Variants in DSCAML1 observed in about 807,000 individuals in gnomAD.
DSCAML1 encodes the protein DS cell adhesion molecule like 1.
A neutral mutation model predicts 200.5 loss-of-function variants in DSCAML1; 38 were observed. The observed-to-expected ratio is 0.19, with a 90% CI of 0.15 to 0.25. The LOEUF (loss-of-function observed/expected upper bound fraction) is 0.25. Ranked by LOEUF, DSCAML1 falls within the 10% of genes least tolerant of loss-of-function variation. The pLI, the probability that DSCAML1 is intolerant of heterozygous loss-of-function variation, is 1.00. For missense variants in DSCAML1, 2,223 were observed against 2,858.8 expected (o/e 0.78, Z 5.07); for synonymous variants, 1,215 against 1,165.0 (o/e 1.04, Z -0.87).
At chr11:117,492,141 A>C (rs2049193841) in intron 11 of DSCAML1, among the ~76,000 whole-genome samples, 1 of 152,116 alleles carries the variant, frequency 6.6e-6, no homozygotes, top group South Asian at 2.1e-4. Context: ...GGTAATTCTC[A>C]CGTGGTTTGG....
intron 4 of DSCAML1, 144 bp from the exon 5 acceptor site, chr11:117,525,227 C>T: frequency 9.9e-7 from 1 of 1,010,916 alleles, no homozygotes; most frequent in Non-Finnish European, 1.4e-6. Context: ...TCCAGAGGAA[C>T]ATTTCAGGGA....
At chr11:117,814,454 T>C (rs11216559) in intron 1 of DSCAML1, among the ~76,000 whole-genome samples, 17,245 of 152,216 alleles carry the variant, frequency 0.11, 1,037 homozygotes, top group Middle Eastern at 0.15. Flanking sequence ...CCCAGCTGCC[T>C]ACCCTGACCC....
chr11:117,619,053 C>T (rs1224533645), intron 3 of DSCAML1, among the ~76,000 whole-genome samples: 1 of 152,210 alleles, frequency 6.6e-6, no homozygotes, highest in African/African-American at 2.4e-5. Context: ...GCTTCTTTGC[C>T]TTTCTCTCTG....
At chr11:117,509,690 T>A (rs1227593881) in intron 8 of DSCAML1, among the ~76,000 whole-genome samples, 2 of 152,198 alleles carry the variant, frequency 1.3e-5, no homozygotes, top group Admixed American at 6.5e-5. Context: ...CCTCCATATA[T>A]GTACATGGCT....
At chr11:117,638,315 AGTGTGTGTGTGTGTGTGTGTGTGT>A (rs59327038) in intron 3 of DSCAML1, among the ~76,000 whole-genome samples, 1 of 135,218 alleles carries the variant, frequency 7.4e-6, no homozygotes, top group South Asian at 2.8e-4. Context: ...CAAGATAGCA[AGTGTGTGTGTGTGTGTGTGTGTGT>A]GTGTGTGTGT....
intron 1 of DSCAML1, among the ~76,000 whole-genome samples, chr11:117,810,151 CCTTCT>C (rs962316686): frequency 1.3e-5 from 2 of 152,036 alleles, no homozygotes; most frequent in Non-Finnish European, 2.9e-5. Context: ...TCAATCTCTC[CCTTCT>C]CTTAATTTCA....
chr11:117,537,246 C>T (rs542258723), intron 3 of DSCAML1, among the ~76,000 whole-genome samples: 12 of 152,368 alleles, frequency 7.9e-5, no homozygotes, highest in South Asian at 2.1e-4. Context: ...GAATCTATCA[C>T]GTCTTTCTGG....
chr11:117,740,468 T>C (rs1939978), intron 3 of DSCAML1, among the ~76,000 whole-genome samples: 145,569 of 152,250 alleles, frequency 0.96, 69,919 homozygotes, highest in South Asian at 1. Flanking sequence ...ACCTGAGTCC[T>C]GGGAGAACCA....
intron 3 of DSCAML1, among the ~76,000 whole-genome samples, chr11:117,581,080 G>A (rs1034091665): frequency 5.9e-5 from 9 of 152,184 alleles, no homozygotes; most frequent in Non-Finnish European, 8.8e-5. Flanking sequence ...GGAAGGGACC[G>A]CTGCAGGTCA....
In DSCAML1 at chr11:117,505,857, C is replaced by T; in HGVS notation, c.1784-125G>A. The T allele has an allele frequency of 1.7e-6, 2 of 1,179,964 alleles. No individual in the cohort carries two copies. The highest frequency in any genetic ancestry group is 2.3e-6 in the Non-Finnish European group (2 of 857,076). The allele number at this position is 1,179,964 out of a possible 1,614,324, so 73.1% of individuals were successfully genotyped here. A position where few individuals can be genotyped will look rare whatever the true frequency, so the allele number is the denominator to read the frequency against. ...TGAACAAAGATCCCCTGGGGCACTGCAGCCTTGTTCTCCTATGCATGCAGG... is the reference window on the plus strand; with the variant it reads ...TGAACAAAGATCCCCTGGGGCACTGTAGCCTTGTTCTCCTATGCATGCAGG... On this transcript the variant is annotated intron_variant, in intron 8 of 32. Coordinates refer to ENST00000651296, the MANE Select transcript of DSCAML1 (RefSeq NM_020693.4). This position sits in a 1 kb window ranked among gnomAD's most constrained non-coding sequence, Gnocchi z 6.7.
At position 117,472,048 on chromosome 11, in the gene DSCAML1, A is replaced by G. The variant is rs950272238; in HGVS notation, c.2786-12T>C. On this transcript the variant is annotated splice_polypyrimidine_tract_variant and intron_variant, in intron 14 of 32. Transcript: ENST00000651296. ...GAAGTCCCAGGAATCTGGAGAGAAG[A>G]CACCTATGTCAAAGCATGGCCAGGC... The G allele has an allele frequency of 6.2e-7, 1 of 1,612,660 alleles. No individual in the cohort carries two copies. The highest frequency in any genetic ancestry group is 8.5e-7 in the Non-Finnish European group (1 of 1,178,976).
chr11:117,774,747 G>A (rs962266096), intron 3 of DSCAML1, among the ~76,000 whole-genome samples: 11 of 152,138 alleles, frequency 7.2e-5, no homozygotes, highest in Non-Finnish European at 2.9e-5. Context: ...GGTGAGGCAC[G>A]TCTGTGTGGG....
intron 3 of DSCAML1, among the ~76,000 whole-genome samples, chr11:117,754,250 GA>G: frequency 6.6e-6 from 1 of 152,176 alleles, no homozygotes; most frequent in Non-Finnish European, 1.5e-5. Flanking sequence ...GTGCCTTTCT[GA>G]GGCAGCACAG....
intron 3 of DSCAML1, among the ~76,000 whole-genome samples, chr11:117,627,660 G>A (rs1286098231): frequency 2.6e-5 from 4 of 152,126 alleles, no homozygotes; most frequent in African/African-American, 7.2e-5. Context: ...AGGGAGCTTC[G>A]GGAACTCCTG....
intron 2 of DSCAML1, among the ~76,000 whole-genome samples, chr11:117,778,654 T>G (rs2055176268): frequency 6.6e-6 from 1 of 152,250 alleles, no homozygotes; most frequent in Admixed American, 6.5e-5. Flanking sequence ...TTAACTCTCT[T>G]TGTTTTAATC....
intron 3 of DSCAML1, among the ~76,000 whole-genome samples, chr11:117,685,764 G>A (rs2053392307): frequency 6.6e-6 from 1 of 152,154 alleles, no homozygotes; most frequent in Admixed American, 6.5e-5. Context: ...TCCCAGGGGT[G>A]TGGCTAGGTA....
In DSCAML1 at chr11:117,780,391, G is replaced by A. The variant is rs1417451617; in HGVS notation, c.364+102C>T. 19 of 1,077,800 alleles carry A rather than the reference G, an allele frequency of 1.8e-5. No homozygotes were observed. The highest frequency in any genetic ancestry group is 2.3e-5 in the Non-Finnish European group (18 of 799,286). The allele number at this position is 1,077,800 out of a possible 1,614,324, so 66.8% of individuals were successfully genotyped here. ...AGATTCAAAAGAGAACAACAAAACT[G>A]TTCTTGAGTGAACGACTTCTTGCAA... is the stretch of plus-strand genomic sequence containing the variant. On this transcript the variant is annotated intron_variant, in intron 2 of 32. Coordinates refer to ENST00000651296, the MANE Select transcript of DSCAML1 (RefSeq NM_020693.4). This position sits in a 1 kb window ranked among gnomAD's most constrained non-coding sequence, Gnocchi z 4.8.
chr11:117,631,929 C>A (rs546452829), intron 3 of DSCAML1, among the ~76,000 whole-genome samples: 1 of 152,156 alleles, frequency 6.6e-6, no homozygotes, highest in Non-Finnish European at 1.5e-5. Flanking sequence ...CCTAGCAGGC[C>A]AGAGAAGGAG....
At position 117,516,288 on chromosome 11, in the gene DSCAML1, C is replaced by T. The variant is rs751266941; in HGVS notation, c.1783+179G>A. On this transcript the variant is annotated intron_variant, in intron 8 of 32. Coordinates refer to ENST00000651296, the MANE Select transcript of DSCAML1 (RefSeq NM_020693.4). This position sits in a 1 kb window ranked among gnomAD's most constrained non-coding sequence, Gnocchi z 5.7. ...CGGATGTAGAGGAGCTCATGGCCTG[C>T]GTCCACCCACAGTCTTCTGCCCTGC... Among the ~76,000 whole-genome samples the T allele has an allele frequency of 2.2e-4, 33 of 152,200 alleles. No homozygotes were observed. Among genetic ancestry groups the T allele is most frequent in the Non-Finnish European group, 4.0e-4 (27 of 68,032 alleles).
Sources: gnomAD v4.1 joint callset for allele counts (sites outside exome capture counted in the v4.1 genomes callset) on GRCh38, gnomAD v4.1.1 for gene constraint, Gnocchi (gnomAD v3.1) non-coding constraint, MANE v1.5 for transcripts, NCBI Gene and HGNC (gene_info 2026-07-23, HGNC 2026-07-21) for gene names.